WDR27: variants seen among roughly 807,000 people sequenced by gnomAD.
WDR27 encodes the protein WD repeat domain 27, also known as WD repeat-containing protein 27.
Under a neutral mutation model 114.4 loss-of-function variants are expected in WDR27, and 100 were observed. The ratio of observed to expected loss-of-function variants is 0.87; its 90% CI spans 0.74 to 1.03. WDR27 has a LOEUF of 1.03. Among genes scored for constraint, WDR27 ranks in the 50% least tolerant of loss-of-function variants. WDR27 has a pLI of 0.00. For synonymous variants in WDR27, 449 were observed against 423.1 expected (o/e 1.06, Z -0.75); for missense variants, 1,129 against 1,092.9 (o/e 1.03, Z -0.47).
chr6:169,590,577 C>T (rs1805538630), intron 23 of WDR27, among the ~76,000 whole-genome samples: 1 of 152,260 alleles, frequency 6.6e-6, no homozygotes, highest in African/African-American at 2.4e-5. Flanking sequence ...CACCTGGCCG[C>T]CCGCCACACC....
chr6:169,634,281 C>T, intron 20 of WDR27, 147 bp downstream of exon 20: 2 of 583,424 alleles, frequency 3.4e-6, no homozygotes, highest in East Asian at 3.0e-5. Context: ...ACAATTAACA[C>T]AAGGATGGCG....
At chr6:169,674,077 C>T (rs1351232856) in intron 2 of WDR27, among the ~76,000 whole-genome samples, 1 of 152,132 alleles carries the variant, frequency 6.6e-6, no homozygotes, top group East Asian at 1.9e-4. Context: ...TGACTGGCTA[C>T]CAGAAGCTAA....
chr6:169,528,650 C>A (rs1174994865), intron 25 of WDR27, among the ~76,000 whole-genome samples: 1 of 152,202 alleles, frequency 6.6e-6, no homozygotes, highest in Non-Finnish European at 1.5e-5. Context: ...CCTTGACCTC[C>A]CAAATAGCTG....
chr6:169,555,430 G>A (rs1198375134), intron 25 of WDR27, among the ~76,000 whole-genome samples: 1 of 152,176 alleles, frequency 6.6e-6, no homozygotes, highest in East Asian at 1.9e-4. Flanking sequence ...CAGGCGGAAA[G>A]GTAGACTTGG....
At chr6:169,688,774 G>A (rs76611591) in intron 2 of WDR27, 43 bp downstream of exon 2, 2 of 1,493,250 alleles carry the variant, frequency 1.3e-6, no homozygotes, top group Admixed American at 2.1e-5. Flanking sequence ...GGAGAGACAA[G>A]GGCAAGGCCT....
At chr6:169,445,913 G>GGCAGGCCCCT in the WDR27 span, among the ~76,000 whole-genome samples, 23 of 152,236 alleles carry the variant, frequency 1.5e-4, no homozygotes, top group African/African-American at 5.3e-4. Flanking sequence ...GGTGGGGGGA[G>GGCAGGCCCCT]GCAGGCCCCT....
chr6:169,642,714 G>A (rs976996808), intron 17 of WDR27, among the ~76,000 whole-genome samples: 2 of 152,126 alleles, frequency 1.3e-5, no homozygotes, highest in South Asian at 2.1e-4. Context: ...GGTGTGAGGC[G>A]GGAGTCACTG....
chr6:169,454,425 C>G (rs1211204694), downstream of WDR27, among the ~76,000 whole-genome samples: 1 of 152,056 alleles, frequency 6.6e-6, no homozygotes, highest in African/African-American at 2.4e-5. Flanking sequence ...ATCTTTTTCT[C>G]CATTAAGTAG....
chr6:169,480,783 A>G (rs1787923559), intron 25 of WDR27, among the ~76,000 whole-genome samples: 1 of 151,758 alleles, frequency 6.6e-6, no homozygotes. Flanking sequence ...GTCTAGCTAA[A>G]GGATTGTAAA....
intron 25 of WDR27, among the ~76,000 whole-genome samples, chr6:169,481,492 G>T (rs537866728): frequency 2.6e-5 from 4 of 152,140 alleles, no homozygotes; most frequent in Non-Finnish European, 4.4e-5. Flanking sequence ...TTCACTCTTC[G>T]CAATAAATCT....
At chr6:169,568,673 TC>T (rs1439374002) in intron 25 of WDR27, among the ~76,000 whole-genome samples, 17 of 152,196 alleles carry the variant, frequency 1.1e-4, no homozygotes, top group African/African-American at 3.9e-4. Flanking sequence ...GACCCAACTT[TC>T]CAATCCTACA....
At chr6:169,648,324 G>C (rs1821327038) in intron 15 of WDR27, among the ~76,000 whole-genome samples, 1 of 152,166 alleles carries the variant, frequency 6.6e-6, no homozygotes, top group African/African-American at 2.4e-5. Flanking sequence ...GGCATTTGGG[G>C]CCTCGCCACC....
At chr6:169,610,078 C>T (rs142543945) in intron 22 of WDR27, among the ~76,000 whole-genome samples, 252 of 152,282 alleles carry the variant, frequency 1.7e-3, no homozygotes, top group African/African-American at 5.8e-3. Context: ...CAGCCTGAAC[C>T]TTATTGTCCC....
At chr6:169,496,984 G>T (rs1038017863) in intron 25 of WDR27, among the ~76,000 whole-genome samples, 10 of 151,998 alleles carry the variant, frequency 6.6e-5, no homozygotes, top group African/African-American at 2.2e-4. Flanking sequence ...AATAGCCAAA[G>T]CAATCTTGAA....
chr6:169,546,563 C>T (rs1248164224), intron 25 of WDR27, among the ~76,000 whole-genome samples: 1 of 152,134 alleles, frequency 6.6e-6, no homozygotes, highest in African/African-American at 2.4e-5. Context: ...CTGAAGCCAC[C>T]CTCTTCGTGC....
intron 15 of WDR27, among the ~76,000 whole-genome samples, chr6:169,648,811 C>T (rs1353870406): frequency 2.0e-5 from 3 of 152,238 alleles, no homozygotes; most frequent in African/African-American, 2.4e-5. Context: ...GAGCCAGTCC[C>T]GTGGACAGGT....
At chr6:169,600,488 A>C (rs1240383075) in intron 23 of WDR27, among the ~76,000 whole-genome samples, 2 of 152,268 alleles carry the variant, frequency 1.3e-5, no homozygotes, top group Non-Finnish European at 2.9e-5. Context: ...AGTTGAGAGA[A>C]GAAGGCTTCG....
At chr6:169,453,049 C>G (rs1583535257), downstream of WDR27, among the ~76,000 whole-genome samples, 1 of 152,358 alleles carries the variant, frequency 6.6e-6, no homozygotes, top group Admixed American at 6.5e-5. Flanking sequence ...AAGGGCACGG[C>G]CCCCAGGCCT....
In WDR27 at chr6:169,674,051, G is replaced by C. The variant is rs563669251; in HGVS notation, c.190-1655C>G. Among the ~76,000 whole-genome samples, 4 of 152,338 alleles carry C rather than the reference G, an allele frequency of 2.6e-5. No homozygotes were observed. The South Asian group carries it at 8.3e-4, about 32-fold the overall frequency. On this transcript the variant is annotated intron_variant, in intron 2 of 25. Coordinates refer to ENST00000448612, the MANE Select transcript of WDR27 (RefSeq NM_182552.5). Reference sequence around the variant, plus strand: ...GACTGGCTTAGGGTAATCTAGGACTGCCAGTGCCCTGAGCATGACTGGCTA... The same window carrying C: ...GACTGGCTTAGGGTAATCTAGGACTCCCAGTGCCCTGAGCATGACTGGCTA...
Sources: allele counts gnomAD v4.1 joint callset (sites outside exome capture counted in the v4.1 genomes callset), GRCh38; gene constraint gnomAD v4.1.1; transcripts MANE v1.5; gene names NCBI Gene and HGNC (gene_info 2026-07-23, HGNC 2026-07-21).